Variants in RUFY2 observed in about 807,000 individuals in gnomAD.
RUFY2 encodes RUN and FYVE domain-containing protein 2.
RUFY2 carries 49 observed loss-of-function variants against 94.4 expected under a neutral mutation model. That is an observed-to-expected ratio of 0.52 (90% CI 0.41 to 0.66). The LOEUF (loss-of-function observed/expected upper bound fraction) is 0.66. Ranked by LOEUF, RUFY2 falls within the 30% of genes least tolerant of loss-of-function variation. The pLI, the probability that RUFY2 is intolerant of heterozygous loss-of-function variation, is 0.00. For synonymous variants in RUFY2, 255 were observed against 235.7 expected (o/e 1.08, Z -0.75); for missense variants, 541 against 692.8 (o/e 0.78, Z 2.46).
At chr10:68,374,708 G>A (rs1259178609) in intron 13 of RUFY2, among the ~76,000 whole-genome samples, 1 of 152,076 alleles carries the variant, frequency 6.6e-6, no homozygotes, top group Non-Finnish European at 1.5e-5. Flanking sequence ...ATGTGGTCTT[G>A]TTTTAATGAT....
In RUFY2 at chr10:68,343,961, T is replaced by G. The variant is rs2046130215; in HGVS notation, c.*1807A>C. On this transcript the variant is annotated 3_prime_UTR_variant, in exon 18 of 18. Transcript: ENST00000602465. ...GCAACTTAAGTCACATTTTAAAATT[T>G]GTTCTAAGCACAGTAATAAAAAAGC... 6.6e-6 allele frequency: 1 copy of G among 152,180 alleles called. No homozygotes were observed. Among genetic ancestry groups the G allele is most frequent in the African/African-American group, 2.4e-5 (1 of 41,448 alleles). The allele number at this position is 152,180 out of a possible 1,614,324, so 9.4% of individuals were successfully genotyped here.
In RUFY2 at chr10:68,344,722, T is replaced by A. The variant is rs925898040; in HGVS notation, c.*1046A>T. The stretch of plus-strand genomic sequence containing the variant: ...AATAGGTCAAGTGTATATTTCATCA[T>A]CTCAACACCCTTGGCATAGAGGTGC... On this transcript the variant is annotated 3_prime_UTR_variant, in exon 18 of 18. Transcript: ENST00000602465. 1 of 152,242 alleles carries A rather than the reference T, an allele frequency of 6.6e-6. No homozygotes were observed. Among genetic ancestry groups the A allele is most frequent in the Admixed American group, 6.5e-5 (1 of 15,284 alleles). The allele number at this position is 152,242 out of a possible 1,614,324, so 9.4% of individuals were successfully genotyped here. A position where few individuals can be genotyped will look rare whatever the true frequency, so the allele number is the denominator to read the frequency against.
intron 13 of RUFY2, among the ~76,000 whole-genome samples, chr10:68,369,979 T>C (rs1451781641): frequency 6.7e-6 from 1 of 149,758 alleles, no homozygotes; most frequent in Non-Finnish European, 1.5e-5. Context: ...TTCAGTTATA[T>C]TAATAGAAAG....
intron 13 of RUFY2, among the ~76,000 whole-genome samples, chr10:68,365,109 ATAGT>A (rs1184216780): frequency 1.3e-5 from 2 of 152,082 alleles, no homozygotes; most frequent in African/African-American, 4.8e-5. Flanking sequence ...TTATTTCCTC[ATAGT>A]TAGCATTTCC....
chr10:68,369,706 G>A (rs2048121819), intron 13 of RUFY2, among the ~76,000 whole-genome samples: 1 of 152,084 alleles, frequency 6.6e-6, no homozygotes, highest in Non-Finnish European at 1.5e-5. Context: ...AGGATCACTT[G>A]AGTCTAGGAG....
intron 3 of RUFY2, among the ~76,000 whole-genome samples, chr10:68,398,052 G>A (rs144968110): frequency 4.8e-4 from 72 of 150,212 alleles, no homozygotes; most frequent in African/African-American, 1.6e-3. Context: ...ACTGGAACCC[G>A]GGAGGCGGAG....
At chr10:68,350,921 G>C (rs2046617681) in intron 16 of RUFY2, among the ~76,000 whole-genome samples, 1 of 151,862 alleles carries the variant, frequency 6.6e-6, no homozygotes, top group African/African-American at 2.4e-5. Flanking sequence ...ATGTTGGTCA[G>C]GCTGGTCTCG....
At chr10:68,354,939 C>A (rs893182426) in intron 16 of RUFY2, among the ~76,000 whole-genome samples, 1 of 151,578 alleles carries the variant, frequency 6.6e-6, no homozygotes, top group Non-Finnish European at 1.5e-5. Flanking sequence ...CTCCACCTTC[C>A]GGGCTCAAGC....
At chr10:68,346,168 T>C (rs1589746762) in intron 16 of RUFY2, 84 bp from the exon 17 acceptor site, 1 of 921,600 alleles carries the variant, frequency 1.1e-6, no homozygotes, top group South Asian at 1.5e-5. Context: ...ACATTATTTA[T>C]AGGAATAGAT....
chr10:68,406,717 G>A, intron 1 of RUFY2: 1 of 1,557,566 alleles, frequency 6.4e-7, no homozygotes, highest in Non-Finnish European at 8.7e-7. Context: ...CTGCCCAGAG[G>A]CCTGGGGGCC....
At position 68,381,415 on chromosome 10, in the gene RUFY2, ATCC is replaced by A. The variant is rs2049048970; in HGVS notation, c.940-19_940-17del. 1.2e-6 allele frequency: 2 copies of A among 1,601,696 alleles called. No homozygotes were observed. Among genetic ancestry groups the A allele is most frequent in the Non-Finnish European group, 1.7e-6 (2 of 1,175,298 alleles). ...TCTCTACATCCTGCAATTTCAATGT[ATCC>A]TCAATTCACATGCCACTTCAGGATG... On this transcript the variant is annotated splice_polypyrimidine_tract_variant and intron_variant, in intron 10 of 17. Coordinates refer to ENST00000602465, the MANE Select transcript of RUFY2 (RefSeq NM_001330103.2).
intron 16 of RUFY2, among the ~76,000 whole-genome samples, chr10:68,351,931 C>T (rs1223981518): frequency 6.6e-6 from 1 of 151,452 alleles, no homozygotes; most frequent in African/African-American, 2.4e-5. Flanking sequence ...GTGGTGGGTG[C>T]CTGTAATCCC....
chr10:68,407,131 G>A (rs1374601016), intron 1 of RUFY2, 55 bp downstream of exon 1: 1 of 1,514,428 alleles, frequency 6.6e-7, no homozygotes, highest in Admixed American at 2.1e-5. Flanking sequence ...GCCTGGCCGC[G>A]GCCCTCAGCC....
At chr10:68,386,224 G>T in intron 7 of RUFY2, 96 bp from the exon 8 acceptor site, 1 of 897,118 alleles carries the variant, frequency 1.1e-6, no homozygotes, top group Non-Finnish European at 1.7e-6. Context: ...TTTACTGACA[G>T]GCACCAACTG....
intron 4 of RUFY2, among the ~76,000 whole-genome samples, chr10:68,395,251 T>C (rs2050306173): frequency 6.6e-6 from 1 of 151,720 alleles, no homozygotes; most frequent in East Asian, 1.9e-4. Flanking sequence ...GACAGGAGAA[T>C]TGCCTGAACC....
At chr10:68,400,593 T>G (rs1177166602) in intron 3 of RUFY2, among the ~76,000 whole-genome samples, 23 of 148,984 alleles carry the variant, frequency 1.5e-4, no homozygotes, top group African/African-American at 5.2e-4. Context: ...GGAAAGTTGC[T>G]TGAACCCATG....
intron 13 of RUFY2, among the ~76,000 whole-genome samples, chr10:68,376,596 C>T (rs925918790): frequency 4.7e-5 from 7 of 149,070 alleles, no homozygotes; most frequent in Non-Finnish European, 7.4e-5. Context: ...TGTTAAACAA[C>T]AGAAGAATGA....
At chr10:68,370,454 T>C (rs935507339) in intron 13 of RUFY2, among the ~76,000 whole-genome samples, 9 of 145,886 alleles carry the variant, frequency 6.2e-5, no homozygotes, top group African/African-American at 2.1e-4. Flanking sequence ...TTTTCTTTTT[T>C]TTTTTTTTTT....
intron 13 of RUFY2, among the ~76,000 whole-genome samples, chr10:68,376,161 C>A (rs1346535524): frequency 6.6e-6 from 1 of 150,722 alleles, no homozygotes; most frequent in Non-Finnish European, 1.5e-5. Flanking sequence ...TGCAGTGGCT[C>A]ATGCCTGTAA....
Sources: allele counts gnomAD v4.1 joint callset (sites outside exome capture counted in the v4.1 genomes callset), GRCh38; gene constraint gnomAD v4.1.1; transcripts MANE v1.5; gene names NCBI Gene and HGNC (gene_info 2026-07-23, HGNC 2026-07-21).